FARS2: variants seen among roughly 807,000 people sequenced by gnomAD.
FARS2 encodes the protein phenylalanine--tRNA ligase, mitochondrial.
A neutral mutation model predicts 46.4 loss-of-function variants in FARS2; 40 were observed. The observed-to-expected ratio is 0.86, with a 90% CI of 0.67 to 1.12. The LOEUF is 1.12. FARS2 is among the 50% of genes most tolerant of loss of function. FARS2 has a pLI of 0.00. For missense variants in FARS2, 513 were observed against 567.9 expected (o/e 0.90, Z 0.98); for synonymous variants, 234 against 214.9 (o/e 1.09, Z -0.78).
chr6:5,689,806 G>C (rs1224751986), intron 6 of FARS2, among the ~76,000 whole-genome samples: 1 of 151,804 alleles, frequency 6.6e-6, no homozygotes, highest in African/African-American at 2.4e-5. Context: ...GGGTGTTAAA[G>C]TCTCCCATTA....
intron 6 of FARS2, chr6:5,668,188 T>G (rs1778241664): frequency 6.6e-6 from 1 of 152,240 alleles, no homozygotes; most frequent in African/African-American, 2.4e-5. Context: ...GATGTGGGGT[T>G]TAGTAGCTTC....
intron 4 of FARS2, among the ~76,000 whole-genome samples, chr6:5,470,879 A>T (rs527654404): frequency 6.6e-6 from 1 of 152,332 alleles, no homozygotes; most frequent in East Asian, 1.9e-4. Context: ...TGTGTTCATG[A>T]TACAAAATTG....
chr6:5,496,876 G>T (rs928985956), intron 4 of FARS2, among the ~76,000 whole-genome samples: 1 of 151,996 alleles, frequency 6.6e-6, no homozygotes, highest in Non-Finnish European at 1.5e-5. Context: ...AGAGGTAGAG[G>T]TCTCACTATA....
At chr6:5,681,561 C>T (rs1031517081) in intron 6 of FARS2, among the ~76,000 whole-genome samples, 16 of 152,206 alleles carry the variant, frequency 1.1e-4, no homozygotes, top group East Asian at 5.8e-4. Context: ...ACTTAAAAAA[C>T]GGAAAAAGAA....
chr6:5,384,789 G>A (rs750115880), intron 2 of FARS2, among the ~76,000 whole-genome samples: 1 of 152,176 alleles, frequency 6.6e-6, no homozygotes, highest in Non-Finnish European at 1.5e-5. Flanking sequence ...TTGTTCAGCT[G>A]CCTGGCAGAA....
rs187609813 is a variant in FARS2 at position 5,311,272 on chromosome 6, G to A, written c.-22+49612G>A. ...CTGTTTGTGTTAAGAATCAAAAGGA[G>A]TATGTTTTACTGATAGATTAAATAG... is the stretch of plus-strand genomic sequence containing the variant. On this transcript the variant is annotated intron_variant, in intron 1 of 6. Coordinates refer to ENST00000274680, the MANE Select transcript of FARS2 (RefSeq NM_006567.5). The surrounding 1 kb of genome is among the most constrained non-coding windows in gnomAD (Gnocchi z 4.1). Among the ~76,000 whole-genome samples the A allele has an allele frequency of 1.2e-3, 185 of 152,340 alleles. 3 individuals are homozygous for A. Among genetic ancestry groups the A allele is most frequent in the Admixed American group, 3.6e-3 (55 of 15,300 alleles).
chr6:5,529,326 T>C (rs1769669864), intron 4 of FARS2, among the ~76,000 whole-genome samples: 1 of 152,296 alleles, frequency 6.6e-6, no homozygotes, highest in Non-Finnish European at 1.5e-5. Context: ...TTTTCTTTTT[T>C]GAGACAGAGT....
chr6:5,341,218 TATATATATATATA>T (rs1258295426), intron 1 of FARS2, among the ~76,000 whole-genome samples: 178 of 7,422 alleles, frequency 0.024, 15 homozygotes, highest in South Asian at 0.064. Context: ...TATATATATA[TATATATATATATA>T]TATATTTTTT....
intron 5 of FARS2, among the ~76,000 whole-genome samples, chr6:5,566,388 A>G (rs1247330239): frequency 6.6e-6 from 1 of 152,184 alleles, no homozygotes; most frequent in Non-Finnish European, 1.5e-5. Flanking sequence ...CCCAAAACTC[A>G]AAACCATCAG....
intron 5 of FARS2, among the ~76,000 whole-genome samples, chr6:5,558,619 C>T (rs918331457): frequency 1.2e-4 from 19 of 152,062 alleles, no homozygotes. Context: ...TCACTGCAAA[C>T]TCTGCCTCGC....
chr6:5,630,850 A>T lies in FARS2; in HGVS notation c.1217+17530A>T, dbSNP rs72819930. On this transcript the variant is annotated intron_variant, in intron 6 of 6. Transcript: ENST00000274680. This position sits in a 1 kb window ranked among gnomAD's most constrained non-coding sequence, Gnocchi z 4.2. The stretch of plus-strand genomic sequence containing the variant: ...ACTTAAGAAAGAATGTGGCATGCAA[A>T]TTAAGACCTGAAAATATGAATGGAG... Among the ~76,000 whole-genome samples the T allele has an allele frequency of 0.19, 28,773 of 152,234 alleles. 3,456 individuals are homozygous for T. The highest frequency in any genetic ancestry group is 0.3 in the Admixed American group (4,644 of 15,288).
intron 6 of FARS2, among the ~76,000 whole-genome samples, chr6:5,646,810 G>A (rs1777102810): frequency 2.6e-5 from 4 of 152,294 alleles, no homozygotes; most frequent in Admixed American, 2.0e-4. Flanking sequence ...GAAAAAGTCT[G>A]TACATGTTTA....
At chr6:5,301,802 T>TACACACACACACACACAC (rs143654686) in intron 1 of FARS2, among the ~76,000 whole-genome samples, 2 of 132,336 alleles carry the variant, frequency 1.5e-5, no homozygotes, top group African/African-American at 5.3e-5. Flanking sequence ...CACACACACA[T>TACACACACACACACACAC]ACACACACAC....
At chr6:5,339,091 G>GAA (rs201078952) in intron 1 of FARS2, among the ~76,000 whole-genome samples, 1 of 152,086 alleles carries the variant, frequency 6.6e-6, no homozygotes, top group African/African-American at 2.4e-5. Context: ...AAAAGGATCA[G>GAA]AAAAAATGCA....
intron 1 of FARS2, among the ~76,000 whole-genome samples, chr6:5,290,341 T>C (rs999887359): frequency 3.3e-5 from 5 of 152,178 alleles, no homozygotes; most frequent in Non-Finnish European, 7.3e-5. Flanking sequence ...GCAGGTTCTG[T>C]GGACAGAAAC....
chr6:5,405,480 C>CTTTTTTTTTTTTTTTTT lies in FARS2; in HGVS notation c.772+788_772+804dup, dbSNP rs398000284. 1.6e-3 allele frequency among the ~76,000 whole-genome samples: 93 copies of CTTTTTTTTTTTTTTTTT among 58,952 alleles called. 16 individuals carry two copies. Among genetic ancestry groups the CTTTTTTTTTTTTTTTTT allele is most frequent in the Middle Eastern group, 0.017 (1 of 60 alleles). 38.7% of individuals were successfully genotyped at this position (58,952 alleles called of 152,430 possible). A position where few individuals can be genotyped will look rare whatever the true frequency, so the allele number is the denominator to read the frequency against. On this transcript the variant is annotated intron_variant, in intron 3 of 6. Coordinates refer to ENST00000274680, the MANE Select transcript of FARS2 (RefSeq NM_006567.5). ...AGGACGTGATCAGTGGAGCAAGGTT[C>CTTTTTTTTTTTTTTTTT]TTTTTTTTTTTTTTTTTTTTTTTTT... is the stretch of plus-strand genomic sequence containing the variant.
intron 5 of FARS2, among the ~76,000 whole-genome samples, chr6:5,547,964 A>T (rs1771137288): frequency 6.6e-6 from 1 of 152,182 alleles, no homozygotes; most frequent in Non-Finnish European, 1.5e-5. Context: ...TATACCCCAG[A>T]CTGGGAAGAA....
chr6:5,358,494 G>C (rs929882704), intron 1 of FARS2, among the ~76,000 whole-genome samples: 1 of 152,122 alleles, frequency 6.6e-6, no homozygotes, highest in Non-Finnish European at 1.5e-5. Context: ...ATATTTTTGT[G>C]TAAGAGAGAG....
At chr6:5,442,721 G>T (rs6938112) in intron 4 of FARS2, among the ~76,000 whole-genome samples, 57,148 of 151,914 alleles carry the variant, frequency 0.38, 11,189 homozygotes, top group East Asian at 0.43. Flanking sequence ...CTGGGAAGTC[G>T]TACTCTAGGA....
Sources: gnomAD v4.1 joint callset for allele counts (sites outside exome capture counted in the v4.1 genomes callset) on GRCh38, gnomAD v4.1.1 for gene constraint, Gnocchi (gnomAD v3.1) non-coding constraint, MANE v1.5 for transcripts, NCBI Gene and HGNC (gene_info 2026-07-23, HGNC 2026-07-21) for gene names.